Variants in OTOF observed in about 807,000 individuals in gnomAD.
OTOF encodes the protein fer-1-like family member 2.
In OTOF, 218 loss-of-function variants were observed where a neutral mutation model predicts 236.8. The ratio of observed to expected loss-of-function variants is 0.92; its 90% confidence interval spans 0.82 to 1.03. The LOEUF is 1.03. Ranked by LOEUF, OTOF falls within the 50% of genes least tolerant of loss-of-function variation. OTOF has a pLI of 0.00. For missense variants in OTOF, 2,590 were observed against 2,694.4 expected (o/e 0.96, Z 0.86); for synonymous variants, 1,041 against 1,072.5 (o/e 0.97, Z 0.57).
Position 26,494,930 on chromosome 2 carries a change from A to G in OTOF, c.897+12T>C. On this transcript the variant is annotated intron_variant, in intron 9 of 46. Coordinates refer to ENST00000272371, the MANE Select transcript of OTOF (RefSeq NM_194248.3). ...TATTTACAGAGGCTCCTTTCCCCACAGGGCCACTGACCTCGTTGTAATAGG... is the reference window on the plus strand; with the variant it reads ...TATTTACAGAGGCTCCTTTCCCCACGGGGCCACTGACCTCGTTGTAATAGG... 2 of 1,614,090 alleles carry G rather than the reference A, an allele frequency of 1.2e-6. No individual in the cohort carries two copies. The highest frequency in any genetic ancestry group is 8.5e-7 in the Non-Finnish European group (1 of 1,179,962).
chr2:26,462,243 G>T lies in OTOF; in HGVS notation c.5193-62C>A. On this transcript the variant is annotated intron_variant, in intron 41 of 46. Transcript: ENST00000272371. The surrounding 1 kb of genome is among the most constrained non-coding windows in gnomAD (Gnocchi z 4.7). ...GGTGGGGGTTATGCCAGGGTGCCAG[G>T]GCTGGGATGGGGCAGGCGGAGAGAA... 1 of 1,401,470 alleles carries T rather than the reference G, an allele frequency of 7.1e-7. No individual in the cohort carries two copies. Among genetic ancestry groups the T allele is most frequent in the Non-Finnish European group, 1.0e-6 (1 of 986,986 alleles). The allele number at this position is 1,401,470 out of a possible 1,614,324, so 86.8% of individuals were successfully genotyped here.
chr2:26,465,576 T>C (rs575687078), intron 38 of OTOF, 96 bp downstream of exon 38: 4 of 1,364,506 alleles, frequency 2.9e-6, no homozygotes, highest in Non-Finnish European at 4.2e-6. Flanking sequence ...GAAACCACAA[T>C]GTCTAACCTC....
intron 46 of OTOF, among the ~76,000 whole-genome samples, chr2:26,459,717 T>C (rs916704569): frequency 1.3e-5 from 2 of 152,220 alleles, no homozygotes; most frequent in African/African-American, 4.8e-5. Flanking sequence ...ACTTCACCTC[T>C]TTGGCTTAAT....
chr2:26,517,524 T>G (rs75967361), intron 4 of OTOF, among the ~76,000 whole-genome samples: 6,932 of 152,280 alleles, frequency 0.046, 534 homozygotes, highest in African/African-American at 0.16. Flanking sequence ...TTACTTGCTT[T>G]AAGTCACACA....
Position 26,502,601 on chromosome 2 carries a change from T to G in OTOF, c.584-175A>C, listed in dbSNP as rs113601558. Among the ~76,000 whole-genome samples the G allele has an allele frequency of 2.4e-3, 364 of 152,354 alleles. 1 individual carries two copies. Among genetic ancestry groups the G allele is most frequent in the African/African-American group, 8.0e-3 (331 of 41,564 alleles). ...AGTGTTTTTCTACCTAATCCCGATC[T>G]TGGATTTGAATGGCCATTATGTCTG... On this transcript the variant is annotated intron_variant, in intron 6 of 46. Transcript: ENST00000272371.
At chr2:26,521,129 G>C (rs1666666759) in intron 3 of OTOF, among the ~76,000 whole-genome samples, 1 of 152,206 alleles carries the variant, frequency 6.6e-6, no homozygotes, top group South Asian at 2.1e-4. Context: ...GTGGGAGAGG[G>C]CCTGAGAATG....
At chr2:26,525,543 G>C (rs543348364) in intron 3 of OTOF, among the ~76,000 whole-genome samples, 2 of 152,192 alleles carry the variant, frequency 1.3e-5, no homozygotes. Context: ...GGAGGGTAGG[G>C]GCAGGGACTG....
At chr2:26,480,730 G>A in intron 15 of OTOF, 56 bp downstream of exon 15, 1 of 1,450,002 alleles carries the variant, frequency 6.9e-7, no homozygotes, top group South Asian at 1.1e-5. Context: ...GGTGACTCAG[G>A]GAGAAGGGGG....
In OTOF at chr2:26,473,426, G is replaced by GTT. The variant is rs746469117; in HGVS notation, c.3549_3550insAA (p.Leu1184AsnfsTer20). On this transcript the variant is annotated frameshift_variant, in exon 28 of 47. Coordinates refer to ENST00000272371, the MANE Select transcript of OTOF (RefSeq NM_194248.3). LOFTEE classifies it high-confidence loss of function. The surrounding 1 kb of genome is among the most constrained non-coding windows in gnomAD (Gnocchi z 7.2). Reference sequence around the variant, plus strand: ...CTCACCACTTCAAACCACTTGACGAGGGTGTTGAAGTTGGGGTTCTTCTTA... The same window carrying GTT: ...CTCACCACTTCAAACCACTTGACGAGTTGGTGTTGAAGTTGGGGTTCTTCTTA... The GTT allele has an allele frequency of 6.2e-7, 1 of 1,613,360 alleles. No homozygotes were observed. Among genetic ancestry groups the GTT allele is most frequent in the African/African-American group, 1.3e-5 (1 of 74,910 alleles).
At chr2:26,504,536 T>G (rs1666200902) in intron 5 of OTOF, among the ~76,000 whole-genome samples, 1 of 152,184 alleles carries the variant, frequency 6.6e-6, no homozygotes, top group Non-Finnish European at 1.5e-5. Flanking sequence ...CCCCTCTCAC[T>G]GCCAAATTCC....
intron 3 of OTOF, among the ~76,000 whole-genome samples, chr2:26,524,279 A>AG (rs1219872178): frequency 2.6e-5 from 4 of 152,212 alleles, no homozygotes; most frequent in East Asian, 3.8e-4. Flanking sequence ...AAGCTGAGGC[A>AG]GGTCTATTAC....
rs773672124 is a variant in OTOF, at chr2:26,470,582, C to T, written c.4023+11G>A. ...GGGGGTCACCTCCCCTCACCCTACCCGAGGTCTCACCTCCTTCATGGTGTC... is the reference window on the plus strand; with the variant it reads ...GGGGGTCACCTCCCCTCACCCTACCTGAGGTCTCACCTCCTTCATGGTGTC... On this transcript the variant is annotated intron_variant, in intron 32 of 46. Transcript: ENST00000272371. The surrounding 1 kb of genome is among the most constrained non-coding windows in gnomAD (Gnocchi z 4.3). The T allele has an allele frequency of 1.4e-5, 23 of 1,613,828 alleles. 1 individual carries two copies. The highest frequency in any genetic ancestry group is 4.5e-5 in the East Asian group (2 of 44,874).
chr2:26,515,606 C>T (rs1345206197), intron 5 of OTOF, among the ~76,000 whole-genome samples: 4 of 152,186 alleles, frequency 2.6e-5, no homozygotes, highest in East Asian at 1.9e-4. Context: ...GAAAGGAAAG[C>T]GTGGAAGGAG....
intron 9 of OTOF, among the ~76,000 whole-genome samples, chr2:26,491,194 T>C (rs1665833198): frequency 6.6e-6 from 1 of 151,900 alleles, no homozygotes; most frequent in Non-Finnish European, 1.5e-5. Context: ...TGAAAGAAAC[T>C]GGGTGATCAA....
chr2:26,537,091 T>C (rs1430184186), intron 2 of OTOF, among the ~76,000 whole-genome samples: 1 of 152,010 alleles, frequency 6.6e-6, no homozygotes, highest in African/African-American at 2.4e-5. Context: ...CCAGCTGGAG[T>C]GAGGATTGAG....
intron 8 of OTOF, among the ~76,000 whole-genome samples, chr2:26,496,569 T>C (rs531236511): frequency 6.6e-6 from 1 of 152,098 alleles, no homozygotes; most frequent in Non-Finnish European, 1.5e-5. Context: ...TAAAAAGATA[T>C]AAGGACAGAG....
intron 8 of OTOF, among the ~76,000 whole-genome samples, chr2:26,495,877 AT>A (rs1665970202): frequency 6.6e-6 from 1 of 152,232 alleles, no homozygotes; most frequent in Admixed American, 6.5e-5. Context: ...ATTAACTTGC[AT>A]TTAATTTCCT....
Position 26,458,220 on chromosome 2 carries a change from G to A in OTOF, c.*18C>T. On this transcript the variant is annotated splice_region_variant and 3_prime_UTR_variant, in exon 47 of 47. Coordinates refer to ENST00000272371, the MANE Select transcript of OTOF (RefSeq NM_194248.3). The stretch of plus-strand genomic sequence containing the variant: ...ACCAGACGAAGGCCGTGTCGGGCCG[G>A]CTGGGAAGTGGAAGAGAGGAGCCGG... 6.3e-7 allele frequency: 1 copy of A among 1,575,486 alleles called. No individual in the cohort carries two copies. The highest frequency in any genetic ancestry group is 8.6e-7 in the Non-Finnish European group (1 of 1,160,480).
chr2:26,527,102 T>C (rs1383032241), intron 3 of OTOF, among the ~76,000 whole-genome samples: 1 of 152,256 alleles, frequency 6.6e-6, no homozygotes, highest in African/African-American at 2.4e-5. Context: ...GAACACCTTA[T>C]AGTGATAACG....
Sources: gnomAD v4.1 joint callset for allele counts (sites outside exome capture counted in the v4.1 genomes callset) on GRCh38, gnomAD v4.1.1 for gene constraint, Gnocchi (gnomAD v3.1) non-coding constraint, MANE v1.5 for transcripts, NCBI Gene and HGNC (gene_info 2026-07-23, HGNC 2026-07-21) for gene names.